The following TMEM200C variants were observed in gnomAD, a reference collection of about 807,000 sequenced individuals.
The protein encoded by TMEM200C is transmembrane protein TTMA.
For synonymous variants in TMEM200C, 462 were observed against 324.7 expected (o/e 1.42, Z -4.55); for missense variants, 966 against 699.9 (o/e 1.38, Z -4.29).
exon 3 of TMEM200C, chr18:5,883,146 A>G (rs1435890068): frequency 6.6e-6 from 1 of 152,266 alleles, no homozygotes; most frequent in East Asian, 1.9e-4. Flanking sequence ...TCTATAATGC[A>G]AAGTGGTTTT....
Position 5,891,092 on chromosome 18 carries a change from G to T in TMEM200C, c.972C>A (p.Ser324Arg). ...CCACGCCCGAGCGCTCGCGGTAGAC[G>T]CTGTACACGGCCTCGGCCAGGCTCG... Residue 324 changes from serine (S) to arginine (R), a missense_variant, in exon 3 of 3, where the codon AGC (serine) becomes AGA (arginine). Ser to Arg is a moderately radical substitution (Grantham distance 110, BLOSUM62 -1). Transcript: ENST00000581347. This position sits in a 1 kb window ranked among gnomAD's most constrained non-coding sequence, Gnocchi z 4.7. The T allele has an allele frequency of 3.8e-6, 2 of 520,532 alleles. No homozygotes were observed. The highest frequency in any genetic ancestry group is 6.6e-6 in the Non-Finnish European group (2 of 303,182). The allele number at this position is 520,532 out of a possible 1,614,324, so 32.2% of individuals were successfully genotyped here.
chr18:5,892,715 C>G (rs1221580902), intron 2 of TMEM200C, among the ~76,000 whole-genome samples: 1 of 152,202 alleles, frequency 6.6e-6, no homozygotes, highest in East Asian at 1.9e-4. Flanking sequence ...GAATTTATTT[C>G]ACTGGATGAA....
exon 3 of TMEM200C, chr18:5,886,351 TA>T (rs1425774603): frequency 6.6e-6 from 1 of 152,178 alleles, no homozygotes; most frequent in African/African-American, 2.4e-5. Flanking sequence ...TAATTGTGGC[TA>T]AATATAGCCA....
rs1407065372 is a variant in TMEM200C, at chr18:5,890,861, C to A, written c.1203G>T (p.Trp401Cys). 4 of 682,036 alleles carry A rather than the reference C, an allele frequency of 5.9e-6. No homozygotes were observed. The East Asian group carries it at 1.1e-4, about 20-fold the overall frequency. 42.2% of individuals were successfully genotyped at this position (682,036 alleles called of 1,614,324 possible). A position where few individuals can be genotyped will look rare whatever the true frequency, so the allele number is the denominator to read the frequency against. ...AGCCGCGTTCCCCCGGAGGCCTCTG[C>A]CAGCTGCAGCTCGCGCCCTCCGCGT... Residue 401 changes from tryptophan (W) to cysteine (C), a missense_variant, in exon 3 of 3, where the codon TGG (tryptophan) becomes TGT (cysteine). Transcript: ENST00000581347.
chr18:5,888,418 A>T (rs2095167061), exon 3 of TMEM200C: 1 of 152,230 alleles, frequency 6.6e-6, no homozygotes, highest in Non-Finnish European at 1.5e-5. Flanking sequence ...ATGGTAATTG[A>T]CGACGTATAT....
At chr18:5,887,422 A>C (rs905549542) in exon 3 of TMEM200C, 33 of 152,180 alleles carry the variant, frequency 2.2e-4, no homozygotes, top group Admixed American at 2.2e-3. Context: ...GCATTTCTCT[A>C]AGAATGGTCT....
chr18:5,891,639 G>C lies in TMEM200C; in HGVS notation c.425C>G (p.Pro142Arg), dbSNP rs557850782. The C allele has an allele frequency of 4.3e-6, 7 of 1,613,694 alleles. No homozygotes were observed. Among genetic ancestry groups the C allele is most frequent in the Middle Eastern group, 1.6e-4 (1 of 6,062 alleles). ...GCCCACGGACGTGGAGGAGGAGGACGGGGAGGCGGCTCGTGCTGGAGGCGT... is the reference window on the plus strand; with the variant it reads ...GCCCACGGACGTGGAGGAGGAGGACCGGGAGGCGGCTCGTGCTGGAGGCGT... Residue 142 changes from proline (P) to arginine (R), a missense_variant, in exon 3 of 3, where the codon CCG becomes CGG. By Grantham distance (103) the Pro-to-Arg change is moderately radical. Coordinates refer to ENST00000581347, the Ensembl canonical transcript of TMEM200C. This position sits in a 1 kb window ranked among gnomAD's most constrained non-coding sequence, Gnocchi z 4.7.
At chr18:5,895,366 T>G (rs1599528884) in exon 2 of TMEM200C, 1 of 151,208 alleles carries the variant, frequency 6.6e-6, no homozygotes, top group South Asian at 2.1e-4. Flanking sequence ...GGCGGGCCCC[T>G]GCGGCCGCGC....
exon 3 of TMEM200C, chr18:5,890,050 C>A: frequency 1.4e-6 from 1 of 709,684 alleles, no homozygotes; most frequent in Non-Finnish European, 2.1e-6. Context: ...CTTGTGGACG[C>A]AATTCAAGGA....
At chr18:5,892,178 G>T in intron 2 of TMEM200C, 21 bp from the exon 2 acceptor site, 1 of 1,018,682 alleles carries the variant, frequency 9.8e-7, no homozygotes, top group Non-Finnish European at 1.4e-6. Flanking sequence ...GAGGAAGACA[G>T]TCAGAGGGTG....
chr18:5,890,743 C>T (rs892143038), exon 3 of TMEM200C: 15 of 591,288 alleles, frequency 2.5e-5, no homozygotes, highest in African/African-American at 1.7e-4. Flanking sequence ...CCCTCGGGCT[C>T]CTCCGGCTCC....
At chr18:5,894,457 A>G (rs1197822736) in intron 2 of TMEM200C, among the ~76,000 whole-genome samples, 1 of 152,222 alleles carries the variant, frequency 6.6e-6, no homozygotes, top group Non-Finnish European at 1.5e-5. Context: ...ACCTAATGAA[A>G]GAAAACAAAC....
chr18:5,890,108 C>A, exon 3 of TMEM200C: 1 of 1,248,070 alleles, frequency 8.0e-7, no homozygotes, highest in Non-Finnish European at 1.1e-6. Flanking sequence ...TCGGATCAGT[C>A]CACAAAAGAA....
exon 3 of TMEM200C, chr18:5,888,961 G>A (rs757426215): frequency 1.1e-4 from 17 of 152,192 alleles, no homozygotes; most frequent in Non-Finnish European, 2.1e-4. Flanking sequence ...CTTTGCCCAA[G>A]GAGACCAAAA....
At chr18:5,892,231 T>A in intron 2 of TMEM200C, 74 bp from the exon 2 acceptor site, 1 of 675,250 alleles carries the variant, frequency 1.5e-6, no homozygotes, top group East Asian at 2.7e-5. Context: ...GCTGCCCTAC[T>A]CCCAGATCCC....
exon 3 of TMEM200C, chr18:5,887,963 C>G (rs2144439039): frequency 6.6e-6 from 1 of 152,306 alleles, no homozygotes; most frequent in South Asian, 2.1e-4. Flanking sequence ...AAACAGTATT[C>G]TGTCCACCCC....
chr18:5,890,099 CG>C, exon 3 of TMEM200C: 8 of 1,121,584 alleles, frequency 7.1e-6, no homozygotes, highest in Non-Finnish European at 9.7e-6. Context: ...ATGATGTCCT[CG>C]GATCAGTCCA....
chr18:5,891,625 TGGA>T lies in TMEM200C; in HGVS notation c.436_438del (p.Ser146del), dbSNP rs1266272399. 4 of 1,613,396 alleles carry T rather than the reference TGGA, an allele frequency of 2.5e-6. No individual in the cohort carries two copies. Among genetic ancestry groups the T allele is most frequent in the East Asian group, 2.2e-5 (1 of 44,798 alleles). On this transcript the variant is annotated inframe_deletion, in exon 3 of 3. Coordinates refer to ENST00000581347, the Ensembl canonical transcript of TMEM200C. The surrounding 1 kb of genome is among the most constrained non-coding windows in gnomAD (Gnocchi z 4.7). ...ATGCGGAAGAAGAAGCCCACGGACG[TGGA>T]GGAGGAGGACGGGGAGGCGGCTCGT...
chr18:5,891,302 C>T lies in TMEM200C; in HGVS notation c.762G>A (p.Val254=). 1 of 1,414,846 alleles carries T rather than the reference C, an allele frequency of 7.1e-7. No individual in the cohort carries two copies. The highest frequency in any genetic ancestry group is 1.5e-5 in the South Asian group (1 of 67,518). The allele number at this position is 1,414,846 out of a possible 1,614,324, so 87.6% of individuals were successfully genotyped here. A position where few individuals can be genotyped will look rare whatever the true frequency, so the allele number is the denominator to read the frequency against. The stretch of plus-strand genomic sequence containing the variant: ...GCTTCAGCTCCAGGCCCCGCGACTG[C>T]ACGTAGCTGAGGAAGCCGTTGAGCG... Residue 254 remains valine, a synonymous_variant, in exon 3 of 3, where the codon GTG becomes GTA. Transcript: ENST00000581347. This position sits in a 1 kb window ranked among gnomAD's most constrained non-coding sequence, Gnocchi z 4.7.
Sources: allele counts gnomAD v4.1 joint callset (sites outside exome capture counted in the v4.1 genomes callset), GRCh38; gene constraint gnomAD v4.1.1; non-coding constraint Gnocchi (gnomAD v3.1); transcripts MANE v1.5; gene names NCBI Gene and HGNC (gene_info 2026-07-23, HGNC 2026-07-21).